The following TAF3 variants were observed in gnomAD, a reference collection of about 807,000 sequenced individuals.
The protein encoded by TAF3 is TATA-box binding protein associated factor 3.
TAF3 carries 7 observed loss-of-function variants against 80.6 expected under a neutral mutation model. The ratio of observed to expected loss-of-function variants is 0.09; its 90% CI spans 0.05 to 0.16. TAF3 has a LOEUF of 0.16. TAF3 is among the 10% of genes least tolerant of loss of function. The probability of loss-of-function intolerance (pLI) is 1.00; values close to 1 mark genes in which losing one functional copy is unlikely to be tolerated. For synonymous variants in TAF3, 444 were observed against 446.1 expected (o/e 1.00, Z 0.06); for missense variants, 921 against 1,140.2 (o/e 0.81, Z 2.77).
chr10:7,989,640 C>G (rs1413164927), intron 4 of TAF3, among the ~76,000 whole-genome samples: 1 of 152,126 alleles, frequency 6.6e-6, no homozygotes, highest in Non-Finnish European at 1.5e-5. Context: ...TTTGTGTTAC[C>G]TTACTGTATG....
chr10:7,997,448 A>T (rs1831900406), intron 4 of TAF3, among the ~76,000 whole-genome samples: 1 of 152,222 alleles, frequency 6.6e-6, no homozygotes. Flanking sequence ...GGCTCTGTGC[A>T]GCTGGGGAGG....
chr10:7,919,603 C>T (rs1837743941), intron 2 of TAF3, among the ~76,000 whole-genome samples: 1 of 152,092 alleles, frequency 6.6e-6, no homozygotes, highest in Non-Finnish European at 1.5e-5. Context: ...CATAGAGAAT[C>T]CTCAAATGCT....
At chr10:7,890,822 A>G (rs1837451405) in intron 2 of TAF3, among the ~76,000 whole-genome samples, 1 of 152,208 alleles carries the variant, frequency 6.6e-6, no homozygotes, top group East Asian at 1.9e-4. Context: ...ATTAGTCTAT[A>G]TCAACTCTTT....
chr10:7,924,633 G>A (rs1017118308), intron 2 of TAF3, among the ~76,000 whole-genome samples: 9 of 152,156 alleles, frequency 5.9e-5, no homozygotes, highest in Admixed American at 6.5e-5. Flanking sequence ...GATCCTGTGA[G>A]TGAACAAATA....
intron 2 of TAF3, among the ~76,000 whole-genome samples, chr10:7,955,812 G>C (rs1838129779): frequency 6.6e-6 from 1 of 152,206 alleles, no homozygotes; most frequent in Admixed American, 6.5e-5. Context: ...TATTCCTCAG[G>C]AGAATGTAGG....
intron 2 of TAF3, among the ~76,000 whole-genome samples, chr10:7,885,585 C>T (rs948950974): frequency 6.6e-6 from 1 of 152,176 alleles, no homozygotes. Flanking sequence ...CTGCTTTATC[C>T]TTCCTGTCTC....
intron 2 of TAF3, among the ~76,000 whole-genome samples, chr10:7,861,774 G>A (rs1417183643): frequency 6.7e-6 from 1 of 149,962 alleles, no homozygotes; most frequent in Non-Finnish European, 1.5e-5. Context: ...ATGTGCCTAG[G>A]TGTGGTTTTC....
At chr10:7,974,144 A>T (rs915256950) in intron 3 of TAF3, among the ~76,000 whole-genome samples, 2 of 148,478 alleles carry the variant, frequency 1.3e-5, no homozygotes, top group African/African-American at 4.9e-5. Context: ...ACACACACAC[A>T]CACACACACA....
At chr10:7,937,246 T>C (rs761275259) in intron 2 of TAF3, among the ~76,000 whole-genome samples, 3 of 152,220 alleles carry the variant, frequency 2.0e-5, no homozygotes, top group Non-Finnish European at 4.4e-5. Flanking sequence ...TTTAGTTTTG[T>C]AAGAAACTGC....
intron 4 of TAF3, among the ~76,000 whole-genome samples, chr10:7,998,416 C>T (rs763259597): frequency 6.6e-6 from 1 of 151,840 alleles, no homozygotes; most frequent in Non-Finnish European, 1.5e-5. Flanking sequence ...TATGCACAAG[C>T]AGACATTTCT....
chr10:7,869,386 A>G (rs768000726), intron 2 of TAF3, among the ~76,000 whole-genome samples: 3 of 152,146 alleles, frequency 2.0e-5, no homozygotes, highest in African/African-American at 4.8e-5. Context: ...AGATCACACC[A>G]TATATTCTGT....
intron 2 of TAF3, among the ~76,000 whole-genome samples, chr10:7,844,378 CT>C (rs370650612): frequency 1.9e-3 from 249 of 134,280 alleles, no homozygotes; most frequent in Admixed American, 2.4e-3. Flanking sequence ...TCTTCTTGTT[CT>C]TTTTTTTTTT....
intron 2 of TAF3, among the ~76,000 whole-genome samples, chr10:7,959,608 A>G (rs959556910): frequency 6.6e-6 from 1 of 152,184 alleles, no homozygotes; most frequent in African/African-American, 2.4e-5. Context: ...AACACAAACA[A>G]CCATCATTAA....
At chr10:7,948,243 T>C (rs1253910315) in intron 2 of TAF3, among the ~76,000 whole-genome samples, 1 of 147,768 alleles carries the variant, frequency 6.8e-6, no homozygotes, top group Non-Finnish European at 1.5e-5. Flanking sequence ...TTTTTTTCTT[T>C]TCTTTTCTTT....
At chr10:7,902,705 G>C (rs1837571174) in intron 2 of TAF3, among the ~76,000 whole-genome samples, 1 of 152,092 alleles carries the variant, frequency 6.6e-6, no homozygotes, top group Non-Finnish European at 1.5e-5. Context: ...TGAGTAATAG[G>C]CTGAGTGATA....
chr10:7,976,643 C>T (rs1031792836), intron 3 of TAF3, among the ~76,000 whole-genome samples: 2 of 152,098 alleles, frequency 1.3e-5, no homozygotes, highest in African/African-American at 2.4e-5. Flanking sequence ...GACCTCATGA[C>T]GCCTGCCTCA....
In TAF3 at chr10:7,863,696, TATATATATACAC is replaced by T. The variant is rs1487497865; in HGVS notation, c.409+39146_409+39157del. On this transcript the variant is annotated intron_variant, in intron 2 of 6. Coordinates refer to ENST00000344293, the MANE Select transcript of TAF3 (RefSeq NM_031923.4). Reference sequence around the variant, plus strand: ...ACATATATATATATACACACACATATATATATATACACATATATATATACACATATATATATA... The same window carrying T: ...ACATATATATATATACACACACATATATATATATATACACATATATATATA... Among the ~76,000 whole-genome samples the T allele has an allele frequency of 1.1e-3, 91 of 83,534 alleles. 9 individuals carry two copies. Among genetic ancestry groups the T allele is most frequent in the African/African-American group, 3.6e-3 (87 of 23,926 alleles). 54.8% of individuals were successfully genotyped at this position (83,534 alleles called of 152,430 possible). A position where few individuals can be genotyped will look rare whatever the true frequency, so the allele number is the denominator to read the frequency against.
chr10:7,955,893 T>C (rs1361408551), intron 2 of TAF3, among the ~76,000 whole-genome samples: 3 of 152,156 alleles, frequency 2.0e-5, no homozygotes, highest in African/African-American at 7.2e-5. Flanking sequence ...CCTGCTCCCA[T>C]CAACATTTGT....
chr10:7,869,517 G>T (rs1394415947), intron 2 of TAF3, among the ~76,000 whole-genome samples: 1 of 151,158 alleles, frequency 6.6e-6, no homozygotes, highest in Non-Finnish European at 1.5e-5. Context: ...AATTTACATA[G>T]TTCCCTGTTG....
Sources: gnomAD v4.1 joint callset for allele counts (sites outside exome capture counted in the v4.1 genomes callset) on GRCh38, gnomAD v4.1.1 for gene constraint, MANE v1.5 for transcripts, NCBI Gene and HGNC (gene_info 2026-07-23, HGNC 2026-07-21) for gene names.